The following ADAM17 variants were observed in gnomAD, a reference collection of about 807,000 sequenced individuals.
The protein encoded by ADAM17 is disintegrin and metalloproteinase domain-containing protein 17.
In ADAM17, 39 loss-of-function variants were observed where a neutral mutation model predicts 96.7. The ratio of observed to expected loss-of-function variants is 0.40; its 90% CI spans 0.31 to 0.53. The LOEUF (loss-of-function observed/expected upper bound fraction) is 0.53, where lower values mean the gene tolerates loss of function less well. ADAM17 is among the 20% of genes least tolerant of loss of function. ADAM17 has a pLI of 0.44. For missense variants in ADAM17, 777 were observed against 1,013.2 expected (o/e 0.77, Z 3.17); for synonymous variants, 344 against 359.2 (o/e 0.96, Z 0.48).
chr2:9,502,054 A>G, intron 13 of ADAM17, 119 bp downstream of exon 13: 1 of 884,928 alleles, frequency 1.1e-6, no homozygotes. Flanking sequence ...CAGAAACTCA[A>G]CCCGGCATAT....
At chr2:9,548,813 T>C (rs1024190006) in intron 1 of ADAM17, among the ~76,000 whole-genome samples, 1 of 152,202 alleles carries the variant, frequency 6.6e-6, no homozygotes, top group Non-Finnish European at 1.5e-5. Context: ...CTTTGTTCCT[T>C]CTAAAGGTTT....
At position 9,489,157 on chromosome 2, in the gene ADAM17, T is replaced by TTTTTTG. The variant is rs113691871; in HGVS notation, c.*1019_*1020insCAAAAA. On this transcript the variant is annotated 3_prime_UTR_variant, in exon 19 of 19. Transcript: ENST00000310823. ...ATCACATTCAAAACAACCTGTTTTT[T>TTTTTTG]TTGTTGTTGTTGTTGTTAAGAAATA... 5 of 146,244 alleles carry TTTTTTG rather than the reference T, an allele frequency of 3.4e-5. No homozygotes were observed. Among genetic ancestry groups the TTTTTTG allele is most frequent in the Non-Finnish European group, 6.2e-5 (4 of 64,870 alleles). The allele number at this position is 146,244 out of a possible 1,614,324, so 9.1% of individuals were successfully genotyped here. A position where few individuals can be genotyped will look rare whatever the true frequency, so the allele number is the denominator to read the frequency against.
Position 9,490,439 on chromosome 2 carries a change from C to T in ADAM17, c.2213G>A (p.Arg738His), listed in dbSNP as rs538865826. The T allele has an allele frequency of 6.8e-6, 11 of 1,614,112 alleles. No individual in the cohort carries two copies. The highest frequency in any genetic ancestry group is 1.7e-4 in the Middle Eastern group (1 of 6,058). ...AGGGATCACAGGGGCAGGCTGCAGG[C>T]GGCCTGGAGTCTGGGGCGCAGGAAA... ...KPFPAPQTPGRLQPAPVIPSA... is the reference protein window; with the variant it reads ...KPFPAPQTPGHLQPAPVIPSA... Residue 738 changes from arginine to histidine, a missense_variant, in exon 19 of 19, where the codon CGC (arginine) becomes CAC (histidine). Coordinates refer to ENST00000310823, the MANE Select transcript of ADAM17 (RefSeq NM_003183.6).
At chr2:9,493,615 T>C in intron 16 of ADAM17, 132 bp downstream of exon 16, 1 of 714,788 alleles carries the variant, frequency 1.4e-6, no homozygotes, top group Non-Finnish European at 2.3e-6. Flanking sequence ...CAAAGTTGTT[T>C]CATAACTAAA....
chr2:9,552,190 C>T (rs1256529059), intron 1 of ADAM17, among the ~76,000 whole-genome samples: 1 of 152,164 alleles, frequency 6.6e-6, no homozygotes, highest in African/African-American at 2.4e-5. Flanking sequence ...GCTGTATACA[C>T]TTATTATCTC....
chr2:9,510,656 T>C (rs1352130053), intron 10 of ADAM17, among the ~76,000 whole-genome samples: 1 of 147,032 alleles, frequency 6.8e-6, no homozygotes, highest in Non-Finnish European at 1.5e-5. Flanking sequence ...AGGGCGAGAC[T>C]TCGTCTCAAA....
chr2:9,509,342 C>T (rs947449890), intron 11 of ADAM17, among the ~76,000 whole-genome samples: 3 of 152,216 alleles, frequency 2.0e-5, no homozygotes, highest in Admixed American at 6.5e-5. Flanking sequence ...GAGTTAGTCA[C>T]GGCACTCTTA....
At position 9,505,606 on chromosome 2, in the gene ADAM17, C is replaced by G. The variant is rs370864066; in HGVS notation, c.1345-241G>C. On this transcript the variant is annotated intron_variant, in intron 11 of 18. Transcript: ENST00000310823. ...GGTTAAGGATCTATAATTCTTCTTA[C>G]GAAGGTAAGCAAGCTATACAAATAC... is the stretch of plus-strand genomic sequence containing the variant. The G allele has an allele frequency of 1.6e-5, 8 of 505,078 alleles. No individual in the cohort carries two copies. In the East Asian group the frequency reaches 2.5e-4, roughly 16 times the overall value. 31.3% of individuals were successfully genotyped at this position (505,078 alleles called of 1,614,324 possible). A position where few individuals can be genotyped will look rare whatever the true frequency, so the allele number is the denominator to read the frequency against.
At chr2:9,490,561 GAA>G in intron 18 of ADAM17, 43 bp from the exon 19 acceptor site, 1 of 1,544,288 alleles carries the variant, frequency 6.5e-7, no homozygotes, top group East Asian at 2.3e-5. Context: ...AATAAAAGAT[GAA>G]TCGGAGGTCC....
intron 3 of ADAM17, among the ~76,000 whole-genome samples, chr2:9,536,214 C>G (rs1231716684): frequency 6.6e-6 from 1 of 152,046 alleles, no homozygotes; most frequent in Non-Finnish European, 1.5e-5. Flanking sequence ...CTAAGAGAGA[C>G]AGAAAGCATG....
intron 4 of ADAM17, among the ~76,000 whole-genome samples, chr2:9,532,437 A>G (rs1664785655): frequency 6.6e-6 from 1 of 152,094 alleles, no homozygotes; most frequent in Non-Finnish European, 1.5e-5. Context: ...AAGTCCCTCA[A>G]GGTATCTGAT....
Position 9,490,477 on chromosome 2 carries a change from G to A in ADAM17, c.2175C>T (p.Arg725=). 6.2e-7 allele frequency: 1 copy of A among 1,614,100 alleles called. No homozygotes were observed. The highest frequency in any genetic ancestry group is 8.5e-7 in the Non-Finnish European group (1 of 1,180,010). ...MLSSMDSASV[R]IIKPFPAPQT... is the part of the protein sequence containing the mutation. Reference sequence around the variant, plus strand: ...GGGGCGCAGGAAAGGGTTTGATAATGCGAACCGATGCAGAATCCATGCTGC... The same window carrying A: ...GGGGCGCAGGAAAGGGTTTGATAATACGAACCGATGCAGAATCCATGCTGC... The change falls in exon 19 of 19, where the codon CGC becomes CGT. Residue 725 remains arginine (R), a synonymous_variant. Coordinates refer to ENST00000310823, the MANE Select transcript of ADAM17 (RefSeq NM_003183.6).
chr2:9,524,784 T>C (rs1206755145), intron 6 of ADAM17, among the ~76,000 whole-genome samples: 1 of 152,160 alleles, frequency 6.6e-6, no homozygotes, highest in African/African-American at 2.4e-5. Flanking sequence ...TTCTCTGATT[T>C]GGGAAAACTG....
chr2:9,510,215 T>C (rs1279300770), intron 10 of ADAM17, 84 bp from the exon 11 acceptor site: 7 of 1,294,142 alleles, frequency 5.4e-6, no homozygotes, highest in Non-Finnish European at 7.6e-6. Context: ...CTGTCTTAAA[T>C]AGAGCCTTAT....
intron 10 of ADAM17, among the ~76,000 whole-genome samples, chr2:9,516,441 G>C (rs372595421): frequency 6.6e-6 from 1 of 152,014 alleles, no homozygotes; most frequent in Non-Finnish European, 1.5e-5. Flanking sequence ...TTTTGCAAAT[G>C]TTTTCCCATA....
chr2:9,523,732 A>G (rs553002283), intron 6 of ADAM17, among the ~76,000 whole-genome samples: 25 of 152,330 alleles, frequency 1.6e-4, no homozygotes, highest in Non-Finnish European at 2.6e-4. Flanking sequence ...GTCCACTTAC[A>G]TATGGATTTC....
rs763238472 is a variant in ADAM17, at chr2:9,491,051, AG to A, written c.2133+49del. On this transcript the variant is annotated intron_variant, in intron 18 of 18. Transcript: ENST00000310823. ...GGTCAGGTGAAGGTCTTTGCCTAAC[AG>A]GGCCTCAGACCAGGCGAAGATTATG... 2.0e-6 allele frequency: 3 copies of A among 1,536,528 alleles called. No homozygotes were observed. In the African/African-American group the frequency reaches 4.1e-5, roughly 21 times the overall value.
At chr2:9,517,111 T>A (rs1190861207) in intron 10 of ADAM17, among the ~76,000 whole-genome samples, 1 of 152,236 alleles carries the variant, frequency 6.6e-6, no homozygotes, top group Non-Finnish European at 1.5e-5. Context: ...TGCTTGTTCT[T>A]GAGCCACTGA....
intron 4 of ADAM17, among the ~76,000 whole-genome samples, chr2:9,533,143 C>T (rs67837413): frequency 0.14 from 21,654 of 151,500 alleles, 1,620 homozygotes; most frequent in Non-Finnish European, 0.16. Context: ...GAGCCGAGAT[C>T]GCGCCATTGC....
Sources: allele counts gnomAD v4.1 joint callset (sites outside exome capture counted in the v4.1 genomes callset), GRCh38; gene constraint gnomAD v4.1.1; transcripts MANE v1.5; gene names NCBI Gene and HGNC (gene_info 2026-07-23, HGNC 2026-07-21).